Variants in TIMM23 observed in about 807,000 individuals in gnomAD.
TIMM23 encodes mitochondrial import inner membrane translocase subunit Tim23.
Under a neutral mutation model 30.7 loss-of-function variants are expected in TIMM23, and 19 were observed. The ratio of observed to expected loss-of-function variants is 0.62; its 90% CI spans 0.43 to 0.91. The LOEUF is 0.91. Ranked by LOEUF, TIMM23 falls within the 40% of genes least tolerant of loss-of-function variation. The pLI is 0.00. For synonymous variants in TIMM23, 78 were observed against 98.5 expected (o/e 0.79, Z 1.23); for missense variants, 202 against 269.2 (o/e 0.75, Z 1.75).
At chr10:45,996,316 T>C (rs1292527413) in intron 6 of TIMM23, among the ~76,000 whole-genome samples, 5 of 144,368 alleles carry the variant, frequency 3.5e-5, no homozygotes, top group Admixed American at 1.4e-4. Context: ...GAGCCGAGAT[T>C]ACACCACTGC....
At chr10:45,975,063 T>G (rs1837626360) in intron 1 of TIMM23, among the ~76,000 whole-genome samples, 1 of 152,150 alleles carries the variant, frequency 6.6e-6, no homozygotes, top group South Asian at 2.1e-4. Context: ...CCAACCACTG[T>G]TTTTCCCATG....
rs1388598302 is a variant in TIMM23, at chr10:45,972,996, C to T, written c.106+266C>T. Among the ~76,000 whole-genome samples the T allele has an allele frequency of 2.1e-3, 327 of 152,232 alleles. 4 individuals are homozygous for T. In the East Asian group the frequency reaches 0.034, roughly 16 times the overall value. ...TGTTTTCTTAGGTTTATATCCAAGCCTCCTACGTTTTGTGTGTGGTGGGCC... is the reference window on the plus strand; with the variant it reads ...TGTTTTCTTAGGTTTATATCCAAGCTTCCTACGTTTTGTGTGTGGTGGGCC... On this transcript the variant is annotated intron_variant, in intron 1 of 6. Coordinates refer to ENST00000580018, the MANE Select transcript of TIMM23 (RefSeq NM_006327.4).
intron 6 of TIMM23, among the ~76,000 whole-genome samples, chr10:45,997,180 C>CCACT (rs1411955681): frequency 4.6e-4 from 70 of 152,054 alleles, no homozygotes; most frequent in African/African-American, 1.6e-3. Context: ...CGTGATCATG[C>CCACT]CACTGCACTC....
At chr10:45,974,227 A>T (rs1837596645) in intron 1 of TIMM23, among the ~76,000 whole-genome samples, 3 of 152,108 alleles carry the variant, frequency 2.0e-5, no homozygotes, top group Non-Finnish European at 4.4e-5. Context: ...ATACTGAGGT[A>T]AACCAACAAA....
At chr10:45,990,105 G>T (rs1350831225) in intron 6 of TIMM23, among the ~76,000 whole-genome samples, 1 of 150,626 alleles carries the variant, frequency 6.6e-6, no homozygotes, top group African/African-American at 2.4e-5. Context: ...TTTTCCCAAA[G>T]GCAACTTTTA....
chr10:45,983,193 C>A (rs1267991873), intron 4 of TIMM23, among the ~76,000 whole-genome samples: 3 of 152,242 alleles, frequency 2.0e-5, no homozygotes, highest in Non-Finnish European at 1.5e-5. Flanking sequence ...GCACCTGTTA[C>A]ATTCTCCAAC....
At chr10:45,998,571 A>G (rs1236963229) in intron 6 of TIMM23, among the ~76,000 whole-genome samples, 7 of 152,214 alleles carry the variant, frequency 4.6e-5, no homozygotes, top group Admixed American at 1.3e-4. Context: ...ACATCAACCA[A>G]TTGGGAAACC....
At chr10:45,972,863 G>C in intron 1 of TIMM23, 133 bp downstream of exon 1, 1 of 1,501,550 alleles carries the variant, frequency 6.7e-7, no homozygotes, top group Non-Finnish European at 8.9e-7. Flanking sequence ...CAGTGGTGGG[G>C]TTAGTGTATC....
intron 6 of TIMM23, among the ~76,000 whole-genome samples, chr10:45,990,071 T>C (rs1266053780): frequency 6.6e-6 from 1 of 152,098 alleles, no homozygotes; most frequent in Admixed American, 6.6e-5. Flanking sequence ...GCAACAGTGT[T>C]CTATACGTCT....
chr10:45,995,393 G>A (rs1838299103), intron 6 of TIMM23, among the ~76,000 whole-genome samples: 1 of 148,812 alleles, frequency 6.7e-6, no homozygotes, highest in Non-Finnish European at 1.5e-5. Context: ...GGGCTGAGCT[G>A]GAGCTTCCAT....
chr10:45,989,183 CTGAAT>C (rs1472683377), intron 6 of TIMM23, among the ~76,000 whole-genome samples: 2 of 152,202 alleles, frequency 1.3e-5, no homozygotes, highest in African/African-American at 2.4e-5. Flanking sequence ...CTTTCTGTCT[CTGAAT>C]TGGCTGCTTT....
intron 6 of TIMM23, among the ~76,000 whole-genome samples, chr10:45,989,187 ATTGGCTGC>A (rs1838084268): frequency 6.6e-6 from 1 of 152,180 alleles, no homozygotes; most frequent in Non-Finnish European, 1.5e-5. Flanking sequence ...CTGTCTCTGA[ATTGGCTGC>A]TTTAGGCACC....
chr10:45,987,585 A>T (rs1165295914), intron 5 of TIMM23, among the ~76,000 whole-genome samples: 2 of 150,104 alleles, frequency 1.3e-5, no homozygotes, highest in South Asian at 2.1e-4. Context: ...GAGGGAACAC[A>T]TACTTAACAT....
At chr10:45,972,772 T>A (rs1554912070) in intron 1 of TIMM23, 42 bp downstream of exon 1, 1 of 1,609,226 alleles carries the variant, frequency 6.2e-7, no homozygotes, top group East Asian at 2.2e-5. Context: ...TGACTGGTTT[T>A]TGCGTCTACA....
chr10:45,972,643 A>G lies in TIMM23; in HGVS notation c.19A>G (p.Ser7Gly), dbSNP rs782333421. 2 of 1,613,960 alleles carry G rather than the reference A, an allele frequency of 1.2e-6. No individual in the cohort carries two copies. Among genetic ancestry groups the G allele is most frequent in the East Asian group, 4.5e-5 (2 of 44,878 alleles). MEGGGG[S>G]GNKTTGGLAG... ...CGATACCATGGAAGGAGGCGGGGGA[A>G]GCGGCAACAAAACCACAGGGGGATT... Residue 7 changes from serine to glycine, a missense_variant, in exon 1 of 7, where the codon AGC becomes GGC. Ser to Gly is a moderately conservative substitution (Grantham distance 56). Transcript: ENST00000580018.
chr10:45,973,810 A>ATT lies in TIMM23; in HGVS notation c.106+1094_106+1095dup, dbSNP rs35822209. On this transcript the variant is annotated intron_variant, in intron 1 of 6. Transcript: ENST00000580018. The stretch of plus-strand genomic sequence containing the variant: ...AGGTACGTACCACCACGCCTGGCTA[A>ATT]TTTTTTTTTTTTTTTGACTTATTGT... Among the ~76,000 whole-genome samples the ATT allele has an allele frequency of 7.2e-4, 103 of 143,722 alleles. 1 individual carries two copies. In the South Asian group the frequency reaches 0.022, roughly 31 times the overall value. The allele number at this position is 143,722 out of a possible 152,430, so 94.3% of individuals were successfully genotyped here.
intron 6 of TIMM23, among the ~76,000 whole-genome samples, chr10:45,996,146 T>G (rs10797305): frequency 0.46 from 61,767 of 132,890 alleles, 14,564 homozygotes; most frequent in South Asian, 0.61. Flanking sequence ...AGGATCACAA[T>G]GTCAGGAGAT....
At chr10:45,984,280 C>T (rs1484566087) in intron 4 of TIMM23, among the ~76,000 whole-genome samples, 1 of 152,128 alleles carries the variant, frequency 6.6e-6, no homozygotes, top group African/African-American at 2.4e-5. Flanking sequence ...TTTCCTTCTC[C>T]TCTCCCATCT....
chr10:45,973,276 G>T (rs1554912275), intron 1 of TIMM23, among the ~76,000 whole-genome samples: 2 of 152,178 alleles, frequency 1.3e-5, no homozygotes, highest in African/African-American at 2.4e-5. Context: ...AAGAAGCCAG[G>T]TAAGAATTAT....
Sources: gnomAD v4.1 joint callset for allele counts (sites outside exome capture counted in the v4.1 genomes callset) on GRCh38, gnomAD v4.1.1 for gene constraint, MANE v1.5 for transcripts, NCBI Gene and HGNC (gene_info 2026-07-23, HGNC 2026-07-21) for gene names.